Variants in RELCH observed in about 807,000 individuals in gnomAD.
RELCH encodes the protein RAB11-binding protein RELCH.
RELCH carries 41 observed loss-of-function variants against 150.3 expected under a neutral mutation model. The observed-to-expected ratio is 0.27, with a 90% CI of 0.21 to 0.35. RELCH has a LOEUF of 0.35. Ranked by LOEUF, RELCH falls within the 10% of genes least tolerant of loss-of-function variation. The pLI, the probability that RELCH is intolerant of heterozygous loss-of-function variation, is 1.00. For synonymous variants in RELCH, 478 were observed against 531.8 expected (o/e 0.90, Z 1.39); for missense variants, 1,092 against 1,467.8 (o/e 0.74, Z 4.18).
At chr18:62,235,010 GTCAA>G (rs1364822089) in intron 10 of RELCH, 2 of 151,666 alleles carry the variant, frequency 1.3e-5, no homozygotes, top group African/African-American at 4.8e-5. Context: ...CCATTGCCAA[GTCAA>G]TCAATGTTAT....
At chr18:62,295,625 C>A (rs991879779) in intron 27 of RELCH, among the ~76,000 whole-genome samples, 1 of 152,148 alleles carries the variant, frequency 6.6e-6, no homozygotes, top group Non-Finnish European at 1.5e-5. Context: ...GTCACCCATG[C>A]TGGAGTACAG....
intron 25 of RELCH, chr18:62,285,857 A>C (rs893707472): frequency 6.6e-6 from 1 of 152,214 alleles, no homozygotes; most frequent in Non-Finnish European, 1.5e-5. Flanking sequence ...ATCTGTCTAC[A>C]TCTGAGGGGT....
chr18:62,195,474 G>T (rs1210096075), intron 1 of RELCH, among the ~76,000 whole-genome samples: 1 of 151,892 alleles, frequency 6.6e-6, no homozygotes, highest in Non-Finnish European at 1.5e-5. Context: ...AAGCATTAGG[G>T]CTCTAATCAA....
chr18:62,196,746 A>C (rs1267215641), intron 1 of RELCH, among the ~76,000 whole-genome samples: 1 of 152,198 alleles, frequency 6.6e-6, no homozygotes, highest in African/African-American at 2.4e-5. Flanking sequence ...CAGTATTTTT[A>C]CATCGATATA....
At chr18:62,283,633 A>T (rs34847424) in intron 25 of RELCH, among the ~76,000 whole-genome samples, 6 of 152,330 alleles carry the variant, frequency 3.9e-5, no homozygotes, top group Non-Finnish European at 8.8e-5. Flanking sequence ...AAACACAGTC[A>T]TGACATTTTT....
chr18:62,237,378 G>A (rs1254923746), intron 10 of RELCH, among the ~76,000 whole-genome samples: 2 of 151,672 alleles, frequency 1.3e-5, no homozygotes, highest in Non-Finnish European at 3.0e-5. Flanking sequence ...TGAAAGTAGG[G>A]TATTGAAGAC....
intron 10 of RELCH, among the ~76,000 whole-genome samples, chr18:62,240,646 T>A (rs985134399): frequency 6.6e-6 from 1 of 152,044 alleles, no homozygotes; most frequent in Non-Finnish European, 1.5e-5. Flanking sequence ...AATCCTCTTC[T>A]ATTAATGAAT....
chr18:62,294,258 T>C (rs969716101), intron 27 of RELCH, among the ~76,000 whole-genome samples: 3 of 152,222 alleles, frequency 2.0e-5, no homozygotes, highest in Admixed American at 6.5e-5. Flanking sequence ...GTATACACTT[T>C]CAGTTTTGCC....
intron 10 of RELCH, among the ~76,000 whole-genome samples, chr18:62,242,869 A>G (rs1255368120): frequency 2.0e-5 from 3 of 152,084 alleles, no homozygotes; most frequent in Admixed American, 1.3e-4. Flanking sequence ...CAATTATAGC[A>G]GCTATCTTAC....
At chr18:62,265,308 A>G (rs1181327331) in intron 18 of RELCH, among the ~76,000 whole-genome samples, 1 of 152,084 alleles carries the variant, frequency 6.6e-6, no homozygotes, top group Non-Finnish European at 1.5e-5. Context: ...TTAGAATAGC[A>G]TGGACACTGG....
chr18:62,189,367 G>C (rs572776802), intron 1 of RELCH, among the ~76,000 whole-genome samples: 1 of 143,866 alleles, frequency 7.0e-6, no homozygotes, highest in South Asian at 2.3e-4. Flanking sequence ...TGTCACCTTT[G>C]TACATGCTTC....
At chr18:62,234,234 G>A (rs1032623772) in intron 10 of RELCH, among the ~76,000 whole-genome samples, 14 of 151,228 alleles carry the variant, frequency 9.3e-5, no homozygotes, top group African/African-American at 2.2e-4. Flanking sequence ...TATTTCACCC[G>A]TTTCTTATTA....
At chr18:62,291,445 G>A (rs2980983) in intron 26 of RELCH, 98 bp from the exon 27 acceptor site, 196,407 of 610,596 alleles carry the variant, frequency 0.32, 34,767 homozygotes, top group East Asian at 0.57. Flanking sequence ...CCATAGGTAT[G>A]ATATAAGAAG....
chr18:62,222,115 G>T (rs1386178701), intron 5 of RELCH, among the ~76,000 whole-genome samples: 1 of 151,848 alleles, frequency 6.6e-6, no homozygotes, highest in African/African-American at 2.4e-5. Flanking sequence ...AAATGCCAGT[G>T]AATTTATTAT....
chr18:62,218,919 T>C (rs1358321816), intron 2 of RELCH, among the ~76,000 whole-genome samples: 1 of 152,000 alleles, frequency 6.6e-6, no homozygotes, highest in Non-Finnish European at 1.5e-5. Context: ...ATAAAGAAGA[T>C]ACATTCATAT....
At chr18:62,298,048 C>T (rs751016174) in intron 27 of RELCH, among the ~76,000 whole-genome samples, 3 of 152,058 alleles carry the variant, frequency 2.0e-5, no homozygotes, top group Non-Finnish European at 4.4e-5. Flanking sequence ...CTTACTAGAA[C>T]ATAAGCTCCA....
At chr18:62,236,138 G>A (rs1269455819) in intron 10 of RELCH, among the ~76,000 whole-genome samples, 2 of 151,864 alleles carry the variant, frequency 1.3e-5, no homozygotes, top group Non-Finnish European at 2.9e-5. Flanking sequence ...TTTATCCCTA[G>A]TTTGCTAAAT....
rs1013744132 is a variant in RELCH, at chr18:62,309,590, T to C, written c.*4056T>C. 1.3e-5 allele frequency: 2 copies of C among 152,208 alleles called. No individual in the cohort carries two copies. Among genetic ancestry groups the C allele is most frequent in the Admixed American group, 1.3e-4 (2 of 15,286 alleles). The allele number at this position is 152,208 out of a possible 1,614,324, so 9.4% of individuals were successfully genotyped here. On this transcript the variant is annotated 3_prime_UTR_variant, in exon 29 of 29. Coordinates refer to ENST00000644646, the MANE Select transcript of RELCH (RefSeq NM_001346231.2). Reference sequence around the variant, plus strand: ...CTTAATATTGCATCAAAAACAAATATATTTTATTTTGATAGTATATAAATA... The same window carrying C: ...CTTAATATTGCATCAAAAACAAATACATTTTATTTTGATAGTATATAAATA...
At chr18:62,289,146 G>T (rs2044976294) in intron 26 of RELCH, among the ~76,000 whole-genome samples, 1 of 152,136 alleles carries the variant, frequency 6.6e-6, no homozygotes, top group South Asian at 2.1e-4. Flanking sequence ...GTTTAGACAT[G>T]CATAGAATAT....
Sources: gnomAD v4.1 joint callset for allele counts (sites outside exome capture counted in the v4.1 genomes callset) on GRCh38, gnomAD v4.1.1 for gene constraint, MANE v1.5 for transcripts, NCBI Gene and HGNC (gene_info 2026-07-23, HGNC 2026-07-21) for gene names.